Variants in CCNF observed in about 807,000 individuals in gnomAD.
The protein encoded by CCNF is cyclin-F.
In CCNF, 30 loss-of-function variants were observed where a neutral mutation model predicts 85.4. That is an observed-to-expected ratio of 0.35 (90% CI 0.26 to 0.48). CCNF has a LOEUF of 0.48. Among genes scored for constraint, CCNF ranks in the 20% least tolerant of loss-of-function variants. The pLI, the probability that CCNF is intolerant of heterozygous loss-of-function variation, is 0.99. For synonymous variants in CCNF, 439 were observed against 425.1 expected, an observed-to-expected ratio of 1.03 and a Z score of -0.40; for missense variants, 919 against 1,010.4, an observed-to-expected ratio of 0.91 and a Z score of 1.23.
Position 2,453,259 on chromosome 16 carries a change from G to T in CCNF, c.1537G>T (p.Val513Leu), listed in dbSNP as rs369296450. ...CTACAGGCAAGTCTCTCTGACCGCCGTGAAGCAGCGGTTTGAGGACAAGCG... is the reference window on the plus strand; with the variant it reads ...CTACAGGCAAGTCTCTCTGACCGCCTTGAAGCAGCGGTTTGAGGACAAGCG... ...KDYRQVSLTA[V>L]KQRFEDKRYG... The change falls in exon 14 of 17, where the codon GTG (valine) becomes TTG (leucine). Residue 513 changes from valine (V) to leucine (L), a missense_variant. Val to Leu is a conservative substitution (Grantham distance 32). This residue lies in a region of CCNF where 505 missense variants were observed against 514.8 expected (regional missense o/e 0.98). Coordinates refer to ENST00000397066, the MANE Select transcript of CCNF (RefSeq NM_001761.3). The surrounding 1 kb of genome is among the most constrained non-coding windows in gnomAD (Gnocchi z 5.6). 1 of 1,613,942 alleles carries T rather than the reference G, an allele frequency of 6.2e-7. No individual in the cohort carries two copies. The highest frequency in any genetic ancestry group is 1.1e-5 in the South Asian group (1 of 91,084).
chr16:2,445,312 G>C, intron 9 of CCNF, 146 bp from the exon 10 acceptor site: 1 of 891,278 alleles, frequency 1.1e-6, no homozygotes, highest in Non-Finnish European at 1.7e-6. Context: ...CTGTGACATG[G>C]CCTCTCCAGC....
In CCNF at chr16:2,449,276, G is replaced by A. The variant is rs370124813; in HGVS notation, c.1219-6G>A. 1.4e-5 allele frequency: 22 copies of A among 1,613,408 alleles called. No homozygotes were observed. The African/African-American group carries it at 2.7e-4, about 20-fold the overall frequency. On this transcript the variant is annotated splice_polypyrimidine_tract_variant and splice_region_variant and intron_variant, in intron 11 of 16. Transcript: ENST00000397066. ...TGAGAGCCCACACCCCGTCCCGGCTGTCTAGGTCCCCACTGTGGTGGATTA... is the reference window on the plus strand; with the variant it reads ...TGAGAGCCCACACCCCGTCCCGGCTATCTAGGTCCCCACTGTGGTGGATTA...
chr16:2,438,781 G>C (rs2065305540), intron 6 of CCNF, among the ~76,000 whole-genome samples: 1 of 151,382 alleles, frequency 6.6e-6, no homozygotes, highest in Admixed American at 6.6e-5. Context: ...TGGATCACCT[G>C]AGGTCAGGAG....
Position 2,456,035 on chromosome 16 carries a change from C to T in CCNF, c.1885+471C>T, listed in dbSNP as rs1375641177. Among the ~76,000 whole-genome samples the T allele has an allele frequency of 1.3e-5, 2 of 152,210 alleles. No homozygotes were observed. The highest frequency in any genetic ancestry group is 2.9e-5 in the Non-Finnish European group (2 of 68,046). On this transcript the variant is annotated intron_variant, in intron 16 of 16. Coordinates refer to ENST00000397066, the MANE Select transcript of CCNF (RefSeq NM_001761.3). This position sits in a 1 kb window ranked among gnomAD's most constrained non-coding sequence, Gnocchi z 4.5. Reference sequence around the variant, plus strand: ...AATTAGCTGGGCATCGTGGCGTGCGCCTGTGGTCCCAGCTACTCAGGAGGC... The same window carrying T: ...AATTAGCTGGGCATCGTGGCGTGCGTCTGTGGTCCCAGCTACTCAGGAGGC...
At position 2,457,084 on chromosome 16, in the gene CCNF, A is replaced by G; in HGVS notation, c.*64A>G. On this transcript the variant is annotated 3_prime_UTR_variant, in exon 17 of 17. Transcript: ENST00000397066. ...GGGGCTGGAGGCGAAGGGTGGGAGC[A>G]TAGCATAGGAACGCTGCATAGACCA... 1 of 1,226,570 alleles carries G rather than the reference A, an allele frequency of 8.2e-7. No individual in the cohort carries two copies. 76.0% of individuals were successfully genotyped at this position (1,226,570 alleles called of 1,614,324 possible). A position where few individuals can be genotyped will look rare whatever the true frequency, so the allele number is the denominator to read the frequency against.
intron 2 of CCNF, among the ~76,000 whole-genome samples, chr16:2,431,679 C>T (rs1264666624): frequency 1.4e-5 from 1 of 72,970 alleles, no homozygotes. Flanking sequence ...GACTCTGTCT[C>T]AAAAAAAAAA....
rs1402049654 is a variant in CCNF, at chr16:2,432,927, C to T, written c.172-34C>T. The T allele has an allele frequency of 2.2e-6, 3 of 1,378,566 alleles. No individual in the cohort carries two copies. In the Admixed American group the frequency reaches 5.4e-5, roughly 25 times the overall value. The allele number at this position is 1,378,566 out of a possible 1,614,324, so 85.4% of individuals were successfully genotyped here. A position where few individuals can be genotyped will look rare whatever the true frequency, so the allele number is the denominator to read the frequency against. ...GGTGTGGGGCTTTTGGGTGGTGCCT[C>T]CATCACCCAGCCCCGGCCCCCGTTG... On this transcript the variant is annotated intron_variant, in intron 2 of 16. Coordinates refer to ENST00000397066, the MANE Select transcript of CCNF (RefSeq NM_001761.3).
chr16:2,440,393 C>T (rs192801071), intron 8 of CCNF, among the ~76,000 whole-genome samples: 65 of 151,912 alleles, frequency 4.3e-4, no homozygotes, highest in African/African-American at 1.3e-3. Context: ...CCAAGGTGGG[C>T]GGATGACCTG....
At chr16:2,443,570 T>G in intron 8 of CCNF, 79 bp from the exon 9 acceptor site, 1 of 1,476,998 alleles carries the variant, frequency 6.8e-7, no homozygotes, top group Non-Finnish European at 9.3e-7. Flanking sequence ...ATTTGGTGCC[T>G]GAATGGGCCT....
At position 2,458,136 on chromosome 16, in the gene CCNF, T is replaced by C. The variant is rs1215278261; in HGVS notation, c.*1116T>C. The C allele has an allele frequency of 1.3e-5, 2 of 152,154 alleles. No individual in the cohort carries two copies. The highest frequency in any genetic ancestry group is 2.9e-5 in the Non-Finnish European group (2 of 68,010). 9.4% of individuals were successfully genotyped at this position (152,154 alleles called of 1,614,324 possible). A position where few individuals can be genotyped will look rare whatever the true frequency, so the allele number is the denominator to read the frequency against. The stretch of plus-strand genomic sequence containing the variant: ...CGCCTGGGGAGCCTGCCTGGGGCCA[T>C]GTGACCATGGCCTCTCCCTGGGAAC... On this transcript the variant is annotated 3_prime_UTR_variant, in exon 17 of 17. Coordinates refer to ENST00000397066, the MANE Select transcript of CCNF (RefSeq NM_001761.3).
In CCNF at chr16:2,429,454, C is replaced by G. The variant is rs966749522; in HGVS notation, c.-28C>G. On this transcript the variant is annotated 5_prime_UTR_variant, in exon 1 of 17. Coordinates refer to ENST00000397066, the MANE Select transcript of CCNF (RefSeq NM_001761.3). ...GGGCGCGGGCGCGCTCTCAGGCGGG[C>G]TCCGGCGGCAGCGACGCGAGCGCGG... 7.4e-6 allele frequency: 9 copies of G among 1,220,148 alleles called. No homozygotes were observed. In the African/African-American group the frequency reaches 1.1e-4, roughly 15 times the overall value. 75.6% of individuals were successfully genotyped at this position (1,220,148 alleles called of 1,614,324 possible).
chr16:2,442,029 G>A (rs2065326031), intron 8 of CCNF, among the ~76,000 whole-genome samples: 1 of 124,040 alleles, frequency 8.1e-6, no homozygotes. Flanking sequence ...TGTTTTTGAT[G>A]GAGTCTTGCT....
chr16:2,429,478 G>C lies in CCNF; in HGVS notation c.-4G>C. 8.1e-7 allele frequency: 1 copy of C among 1,229,020 alleles called. No homozygotes were observed. Among genetic ancestry groups the C allele is most frequent in the Non-Finnish European group, 1.0e-6 (1 of 986,446 alleles). 76.1% of individuals were successfully genotyped at this position (1,229,020 alleles called of 1,614,324 possible). A position where few individuals can be genotyped will look rare whatever the true frequency, so the allele number is the denominator to read the frequency against. ...GCTCCGGCGGCAGCGACGCGAGCGC[G>C]GCGATGGGGAGCGGCGGCGGTGAGT... On this transcript the variant is annotated 5_prime_UTR_variant, in exon 1 of 17. Coordinates refer to ENST00000397066, the MANE Select transcript of CCNF (RefSeq NM_001761.3).
chr16:2,443,930 T>TA, intron 9 of CCNF, 130 bp downstream of exon 9: 6 of 790,244 alleles, frequency 7.6e-6, no homozygotes, highest in Non-Finnish European at 1.2e-5. Context: ...CACCCTTTTT[T>TA]TTTTTTTGAA....
chr16:2,441,769 G>A (rs563691989), intron 8 of CCNF, among the ~76,000 whole-genome samples: 64 of 150,572 alleles, frequency 4.3e-4, no homozygotes, highest in African/African-American at 1.5e-3. Context: ...TGCCCTCCTC[G>A]GCCTCCCAAA....
At chr16:2,437,350 C>G in intron 5 of CCNF, 28 bp downstream of exon 5, 1 of 1,528,796 alleles carries the variant, frequency 6.5e-7, no homozygotes, top group East Asian at 2.3e-5. Context: ...GCAGCACCTG[C>G]GAGGCCACCT....
At chr16:2,455,608 G>A (rs757943199) in intron 16 of CCNF, 44 bp downstream of exon 16, 5 of 1,554,202 alleles carry the variant, frequency 3.2e-6, no homozygotes, top group East Asian at 4.6e-5. Context: ...ATCACACAGA[G>A]GGTGGCTCTC....
rs1474762658 is a variant in CCNF at position 2,456,673 on chromosome 16, G to A, written c.2014G>A (p.Ala672Thr). ...GGGACCCCAGGACCCACAGGCACTGGCGCTGGACACCCAGATCCCTGCAAC... is the reference window on the plus strand; with the variant it reads ...GGGACCCCAGGACCCACAGGCACTGACGCTGGACACCCAGATCCCTGCAAC... Reference protein sequence around the residue: ...DKGPQDPQALALDTQIPATPG... With the variant: ...DKGPQDPQALTLDTQIPATPG... Residue 672 changes from alanine to threonine, a missense_variant, in exon 17 of 17, where the codon GCG (alanine) becomes ACG (threonine). Coordinates refer to ENST00000397066, the MANE Select transcript of CCNF (RefSeq NM_001761.3). This position sits in a 1 kb window ranked among gnomAD's most constrained non-coding sequence, Gnocchi z 4.5. The A allele has an allele frequency of 1.2e-6, 2 of 1,613,456 alleles. No homozygotes were observed. Among genetic ancestry groups the A allele is most frequent in the East Asian group, 2.2e-5 (1 of 44,892 alleles).
chr16:2,433,038 G>A lies in CCNF; in HGVS notation c.249G>A (p.Pro83=), dbSNP rs759310695. The stretch of plus-strand genomic sequence containing the variant: ...GTGCCAGCTTCCAGGAGCTGTGGCC[G>A]TCTCCAGGGAACCTGAAGCTCTTTG... ...WACASFQELW[P]SPGNLKLFER... The change falls in exon 3 of 17, where the codon CCG becomes CCA. Residue 83 remains proline (P), a synonymous_variant. Transcript: ENST00000397066. 7 of 1,610,300 alleles carry A rather than the reference G, an allele frequency of 4.3e-6. No homozygotes were observed. Among genetic ancestry groups the A allele is most frequent in the South Asian group, 1.1e-5 (1 of 90,750 alleles).
Sources: gnomAD v4.1 joint callset for allele counts (sites outside exome capture counted in the v4.1 genomes callset) on GRCh38, gnomAD v4.1.1 for gene constraint, gnomAD v4.1.1 regional missense constraint, Gnocchi (gnomAD v3.1) non-coding constraint, MANE v1.5 for transcripts, NCBI Gene and HGNC (gene_info 2026-07-23, HGNC 2026-07-21) for gene names.